MARCHF4: variants seen among roughly 807,000 people sequenced by gnomAD.
The protein encoded by MARCHF4 is membrane associated ring-CH-type finger 4.
Under a neutral mutation model 43.9 loss-of-function variants are expected in MARCHF4, and 14 were observed. The observed-to-expected ratio is 0.32, with a 90% confidence interval of 0.21 to 0.50. The LOEUF is 0.50. MARCHF4 is among the 20% of genes least tolerant of loss of function. The pLI is 0.98. For synonymous variants in MARCHF4, 226 were observed against 213.3 expected, an observed-to-expected ratio of 1.06 and a Z score of -0.52; for missense variants, 468 against 536.7, an observed-to-expected ratio of 0.87 and a Z score of 1.27.
chr2:216,329,277 A>T (rs1304493618), intron 1 of MARCHF4, among the ~76,000 whole-genome samples: 3 of 152,112 alleles, frequency 2.0e-5, no homozygotes, highest in Non-Finnish European at 4.4e-5. Flanking sequence ...GCTACTCGGG[A>T]GGCGGAGGCA....
intron 1 of MARCHF4, among the ~76,000 whole-genome samples, chr2:216,310,740 A>G (rs1021441690): frequency 2.0e-5 from 3 of 152,120 alleles, no homozygotes; most frequent in Non-Finnish European, 4.4e-5. Flanking sequence ...TTCATGTCAC[A>G]TGGTTTTAAG....
chr2:216,297,016 C>A (rs1458606487), intron 1 of MARCHF4, among the ~76,000 whole-genome samples: 1 of 152,178 alleles, frequency 6.6e-6, no homozygotes, highest in Non-Finnish European at 1.5e-5. Flanking sequence ...TCTTTTCACA[C>A]CTCTCAAGGA....
intron 1 of MARCHF4, among the ~76,000 whole-genome samples, chr2:216,310,235 G>A (rs76374260): frequency 9.2e-5 from 14 of 152,148 alleles, no homozygotes; most frequent in Non-Finnish European, 1.8e-4. Context: ...TCACTTTGGG[G>A]CAGTACTAAT....
chr2:216,317,657 AC>A (rs1370970199), intron 1 of MARCHF4, among the ~76,000 whole-genome samples: 1 of 151,362 alleles, frequency 6.6e-6, no homozygotes, highest in Admixed American at 6.6e-5. Flanking sequence ...CAAGTGATCC[AC>A]CCCCCTTGGC....
intron 3 of MARCHF4, among the ~76,000 whole-genome samples, chr2:216,274,562 C>G (rs951189419): frequency 1.3e-5 from 2 of 152,212 alleles, no homozygotes; most frequent in African/African-American, 4.8e-5. Flanking sequence ...CCACTGTCAT[C>G]ACTACTGGTT....
intron 1 of MARCHF4, among the ~76,000 whole-genome samples, chr2:216,288,547 C>T (rs773776346): frequency 9.9e-5 from 15 of 151,958 alleles, no homozygotes; most frequent in Non-Finnish European, 1.5e-4. Flanking sequence ...GATAAGGGAC[C>T]CTGACTTCTA....
intron 1 of MARCHF4, among the ~76,000 whole-genome samples, chr2:216,287,630 G>A (rs1403639893): frequency 8.4e-6 from 1 of 119,180 alleles, no homozygotes; most frequent in Admixed American, 9.4e-5. Context: ...ACACACCCGG[G>A]ACTGTTGTGG....
chr2:216,308,916 G>T (rs552499358), intron 1 of MARCHF4, among the ~76,000 whole-genome samples: 21 of 152,134 alleles, frequency 1.4e-4, no homozygotes, highest in Admixed American at 2.6e-4. Flanking sequence ...GAAGGGTGTG[G>T]ATATTCAAAC....
At chr2:216,333,660 C>G (rs1692114283) in intron 1 of MARCHF4, among the ~76,000 whole-genome samples, 1 of 152,216 alleles carries the variant, frequency 6.6e-6, no homozygotes, top group Non-Finnish European at 1.5e-5. Flanking sequence ...CAGGTTTACT[C>G]ATGTCTCCCT....
intron 1 of MARCHF4, among the ~76,000 whole-genome samples, chr2:216,351,212 C>T (rs181884075): frequency 4.7e-4 from 72 of 152,282 alleles, no homozygotes; most frequent in Non-Finnish European, 1.0e-4. Flanking sequence ...ACATTACTGC[C>T]ACTGGGAGTC....
At chr2:216,269,617 T>A (rs547539559) in intron 3 of MARCHF4, among the ~76,000 whole-genome samples, 2 of 152,162 alleles carry the variant, frequency 1.3e-5, no homozygotes, top group African/African-American at 4.8e-5. Context: ...CTGAGGGGAA[T>A]CCACCCTGAT....
intron 3 of MARCHF4, chr2:216,265,816 T>C (rs1393128269): frequency 1.3e-5 from 2 of 152,216 alleles, no homozygotes; most frequent in Admixed American, 1.3e-4. Context: ...TACTGTGCAT[T>C]AGAATCACCC....
At chr2:216,367,942 GA>G (rs1164287015) in intron 1 of MARCHF4, among the ~76,000 whole-genome samples, 8 of 151,730 alleles carry the variant, frequency 5.3e-5, no homozygotes, top group African/African-American at 9.7e-5. Context: ...CTGAGGAAAG[GA>G]GGGGGGGGCA....
intron 1 of MARCHF4, among the ~76,000 whole-genome samples, chr2:216,307,408 T>TG (rs1691605650): frequency 6.6e-6 from 1 of 152,056 alleles, no homozygotes; most frequent in Admixed American, 6.5e-5. Context: ...GGGTTTCTAT[T>TG]TTTAAACCCT....
intron 1 of MARCHF4, among the ~76,000 whole-genome samples, chr2:216,333,865 T>A (rs910714429): frequency 1.3e-5 from 2 of 152,072 alleles, no homozygotes; most frequent in African/African-American, 4.8e-5. Flanking sequence ...TGGCGTAGAA[T>A]GTGGGGGAAA....
At chr2:216,329,578 A>G (rs984163991) in intron 1 of MARCHF4, among the ~76,000 whole-genome samples, 1 of 151,934 alleles carries the variant, frequency 6.6e-6, no homozygotes, top group African/African-American at 2.4e-5. Context: ...CTGGATTAAT[A>G]TAAAAGAAGG....
At chr2:216,336,887 C>CA (rs899814411) in intron 1 of MARCHF4, among the ~76,000 whole-genome samples, 2 of 151,842 alleles carry the variant, frequency 1.3e-5, no homozygotes, top group African/African-American at 4.8e-5. Context: ...CACAGTGGCT[C>CA]ACACCTGTAA....
At chr2:216,296,325 G>A (rs1326461730) in intron 1 of MARCHF4, among the ~76,000 whole-genome samples, 3 of 152,104 alleles carry the variant, frequency 2.0e-5, no homozygotes, top group South Asian at 2.1e-4. Flanking sequence ...CAGTCTGGGC[G>A]ACAGAGCGAG....
chr2:216,311,841 C>G (rs1691691855), intron 1 of MARCHF4, among the ~76,000 whole-genome samples: 1 of 152,072 alleles, frequency 6.6e-6, no homozygotes, highest in South Asian at 2.1e-4. Context: ...TTATCACTTT[C>G]TGCTCAGGAT....
Sources: allele counts gnomAD v4.1 joint callset (sites outside exome capture counted in the v4.1 genomes callset), GRCh38; gene constraint gnomAD v4.1.1; transcripts MANE v1.5; gene names NCBI Gene and HGNC (gene_info 2026-07-23, HGNC 2026-07-21).